PSMA1: variants seen among roughly 807,000 people sequenced by gnomAD.
PSMA1 encodes proteasome subunit alpha type-1.
In PSMA1, 3 loss-of-function variants were observed where a neutral mutation model predicts 38.4. The ratio of observed to expected loss-of-function variants is 0.08; its 90% confidence interval spans 0.04 to 0.20. PSMA1 has a LOEUF of 0.20. PSMA1 is among the 10% of genes least tolerant of loss of function. The pLI is 1.00. For missense variants in PSMA1, 227 were observed against 325.3 expected (o/e 0.70, Z 2.32); for synonymous variants, 101 against 107.1 (o/e 0.94, Z 0.35).
intron 1 of PSMA1, among the ~76,000 whole-genome samples, chr11:14,619,764 C>T (rs1590012779): frequency 6.6e-6 from 1 of 152,190 alleles, no homozygotes; most frequent in South Asian, 2.1e-4. Flanking sequence ...AGTTTAAACA[C>T]TGGATTACTC....
chr11:14,596,652 G>A (rs1002817668), intron 2 of PSMA1, among the ~76,000 whole-genome samples: 9 of 152,154 alleles, frequency 5.9e-5, no homozygotes, highest in East Asian at 3.8e-4. Context: ...GGGCTGAGAC[G>A]ATGGGGTTTT....
At chr11:14,532,333 G>A (rs762087553) in intron 2 of PSMA1, among the ~76,000 whole-genome samples, 8 of 152,170 alleles carry the variant, frequency 5.3e-5, no homozygotes, top group African/African-American at 1.2e-4. Context: ...GGCCAGGTGC[G>A]GTGGCTCACG....
chr11:14,507,638 T>C lies in PSMA1; in HGVS notation c.735+18A>G. On this transcript the variant is annotated intron_variant, in intron 9 of 9. Transcript: ENST00000396394. ...AGCTTACAATAGAACTAAAGCCTCT[T>C]GTGTTATGATTATATACCTGTGCCT... is the stretch of plus-strand genomic sequence containing the variant. The C allele has an allele frequency of 6.6e-7, 1 of 1,505,176 alleles. No homozygotes were observed. The highest frequency in any genetic ancestry group is 2.3e-5 in the East Asian group (1 of 44,302). 93.2% of individuals were successfully genotyped at this position (1,505,176 alleles called of 1,614,324 possible).
chr11:14,571,090 T>A (rs1852133700), intron 2 of PSMA1, among the ~76,000 whole-genome samples: 1 of 152,028 alleles, frequency 6.6e-6, no homozygotes. Flanking sequence ...TGAGATGGAG[T>A]CTCGCTCTCT....
intron 1 of PSMA1, among the ~76,000 whole-genome samples, chr11:14,637,242 G>C (rs1041666277): frequency 7.9e-5 from 12 of 152,184 alleles, no homozygotes; most frequent in African/African-American, 9.6e-5. Flanking sequence ...TGCCTCCATG[G>C]CTTTGCAATA....
chr11:14,609,940 T>C (rs1470639871), intron 2 of PSMA1, among the ~76,000 whole-genome samples: 1 of 152,152 alleles, frequency 6.6e-6, no homozygotes, highest in Non-Finnish European at 1.5e-5. Flanking sequence ...TGCAATAATC[T>C]AAAGAAGACA....
intron 2 of PSMA1, among the ~76,000 whole-genome samples, chr11:14,546,666 G>A (rs1418123186): frequency 6.6e-6 from 1 of 152,100 alleles, no homozygotes; most frequent in Non-Finnish European, 1.5e-5. Flanking sequence ...TCGAACTCCT[G>A]ACCTCACAAT....
At chr11:14,526,337 T>A (rs571972325) in intron 2 of PSMA1, among the ~76,000 whole-genome samples, 3 of 152,260 alleles carry the variant, frequency 2.0e-5, no homozygotes, top group Admixed American at 1.3e-4. Flanking sequence ...CCCTGACTCA[T>A]CCCAACCCTT....
At chr11:14,582,455 AAAC>A (rs1345465548) in intron 2 of PSMA1, among the ~76,000 whole-genome samples, 4 of 123,304 alleles carry the variant, frequency 3.2e-5, no homozygotes, top group African/African-American at 1.2e-4. Flanking sequence ...GGGCAAGCAA[AAAC>A]AAAACAACAA....
intron 2 of PSMA1, chr11:14,610,728 T>G: frequency 1.9e-6 from 1 of 514,548 alleles, no homozygotes; most frequent in East Asian, 3.2e-5. Flanking sequence ...ACCTTGTAAC[T>G]TAGGTTAATC....
chr11:14,539,874 AC>A (rs1033185222), intron 2 of PSMA1, among the ~76,000 whole-genome samples: 5 of 151,542 alleles, frequency 3.3e-5, no homozygotes, highest in African/African-American at 7.3e-5. Flanking sequence ...GAAAAAAAAA[AC>A]AACAACAGGA....
chr11:14,623,146 A>G (rs1245521660), intron 1 of PSMA1, among the ~76,000 whole-genome samples: 2 of 152,246 alleles, frequency 1.3e-5, no homozygotes, highest in African/African-American at 4.8e-5. Context: ...GACAAAGGAC[A>G]TGGCAAATTG....
intron 2 of PSMA1, among the ~76,000 whole-genome samples, chr11:14,578,790 C>T (rs1052584215): frequency 8.5e-5 from 13 of 152,168 alleles, no homozygotes; most frequent in African/African-American, 3.1e-4. Flanking sequence ...AAAAGAGATT[C>T]TGATAGAGGC....
chr11:14,639,280 T>C (rs10766188), intron 1 of PSMA1, among the ~76,000 whole-genome samples: 46,072 of 151,866 alleles, frequency 0.3, 7,972 homozygotes, highest in South Asian at 0.43. Flanking sequence ...GTTCTTTTAG[T>C]GATTTGGTGC....
chr11:14,556,612 C>T (rs1851943057), intron 2 of PSMA1, among the ~76,000 whole-genome samples: 1 of 152,152 alleles, frequency 6.6e-6, no homozygotes, highest in Admixed American at 6.5e-5. Context: ...ATATCAGCTT[C>T]AGGCATCTTA....
In PSMA1 at chr11:14,532,411, C is replaced by T. The variant is rs372327347; in HGVS notation, c.22-13370G>A. Among the ~76,000 whole-genome samples, 162 of 151,478 alleles carry T rather than the reference C, an allele frequency of 1.1e-3. 1 individual carries two copies. Among genetic ancestry groups the T allele is most frequent in the African/African-American group, 3.8e-3 (158 of 41,278 alleles). Reference sequence around the variant, plus strand: ...CCTGAGATCAGGAGTTCGAGATCAGCCTGGCCAAAATGGTGAAACCCCACC... The same window carrying T: ...CCTGAGATCAGGAGTTCGAGATCAGTCTGGCCAAAATGGTGAAACCCCACC... On this transcript the variant is annotated intron_variant, in intron 2 of 10. Coordinates refer to the PSMA1 transcript ENST00000418988.
At chr11:14,552,895 T>A (rs578109129) in intron 2 of PSMA1, among the ~76,000 whole-genome samples, 20 of 149,348 alleles carry the variant, frequency 1.3e-4, no homozygotes, top group Middle Eastern at 6.8e-3. Context: ...GCTATTATCA[T>A]AGCTCACTGC....
chr11:14,553,637 T>A (rs539052633), intron 2 of PSMA1, among the ~76,000 whole-genome samples: 1 of 152,292 alleles, frequency 6.6e-6, no homozygotes, highest in South Asian at 2.1e-4. Context: ...TACAAATTGT[T>A]GCATGTACTA....
At chr11:14,540,313 C>T (rs1165617563) in intron 2 of PSMA1, among the ~76,000 whole-genome samples, 16 of 152,312 alleles carry the variant, frequency 1.1e-4, no homozygotes, top group Middle Eastern at 3.4e-3. Flanking sequence ...GGGTGACACT[C>T]CTCCCAGTTG....
Sources: gnomAD v4.1 joint callset for allele counts (sites outside exome capture counted in the v4.1 genomes callset) on GRCh38, gnomAD v4.1.1 for gene constraint, MANE v1.5 for transcripts, NCBI Gene and HGNC (gene_info 2026-07-23, HGNC 2026-07-21) for gene names.